The following CDH8 variants were observed in gnomAD, a reference collection of about 807,000 sequenced individuals.
CDH8 encodes cadherin-8.
A neutral mutation model predicts 68.1 loss-of-function variants in CDH8; 17 were observed. The observed-to-expected ratio is 0.25, with a 90% CI of 0.17 to 0.37. The LOEUF is 0.37. Ranked by LOEUF, CDH8 falls within the 10% of genes least tolerant of loss-of-function variation. The pLI, the probability that CDH8 is intolerant of heterozygous loss-of-function variation, is 1.00. For synonymous variants in CDH8, 372 were observed against 365.1 expected, an observed-to-expected ratio of 1.02 and a Z score of -0.21; for missense variants, 763 against 999.3, an observed-to-expected ratio of 0.76 and a Z score of 3.19.
At chr16:61,755,413 T>C (rs1272110302) in intron 8 of CDH8, among the ~76,000 whole-genome samples, 1 of 152,158 alleles carries the variant, frequency 6.6e-6, no homozygotes, top group African/African-American at 2.4e-5. Flanking sequence ...TATTTATGTA[T>C]AGCCACGTAT....
intron 10 of CDH8, among the ~76,000 whole-genome samples, chr16:61,682,402 T>C (rs1041097469): frequency 1.3e-5 from 2 of 152,012 alleles, no homozygotes; most frequent in Non-Finnish European, 2.9e-5. Flanking sequence ...TGCTAATTAC[T>C]CTGCATTCTT....
intron 10 of CDH8, among the ~76,000 whole-genome samples, chr16:61,688,317 T>A (rs958028979): frequency 2.0e-5 from 3 of 152,012 alleles, no homozygotes; most frequent in Non-Finnish European, 4.4e-5. Context: ...TTGGAAACTT[T>A]AATGAAGGAC....
intron 2 of CDH8, among the ~76,000 whole-genome samples, chr16:61,953,733 G>C (rs1964932002): frequency 6.6e-6 from 1 of 151,218 alleles, no homozygotes; most frequent in Non-Finnish European, 1.5e-5. Flanking sequence ...GCCAGGCATG[G>C]TGGCACATAT....
intron 10 of CDH8, among the ~76,000 whole-genome samples, chr16:61,683,064 T>A (rs1351001157): frequency 6.6e-6 from 1 of 152,020 alleles, no homozygotes; most frequent in Non-Finnish European, 1.5e-5. Flanking sequence ...ATTTTTAATA[T>A]TTGAAATAAG....
rs1962109847 is a variant in CDH8, at chr16:61,817,615, CGATTTT to C, written c.1135_1140del (p.Lys379_Ile380del). 1 of 1,613,828 alleles carries C rather than the reference CGATTTT, an allele frequency of 6.2e-7. No individual in the cohort carries two copies. The highest frequency in any genetic ancestry group is 8.5e-7 in the Non-Finnish European group (1 of 1,179,964). On this transcript the variant is annotated inframe_deletion, in exon 7 of 12. Coordinates refer to ENST00000577390, the MANE Select transcript of CDH8 (RefSeq NM_001796.5). ...GGAGGCTCATCAGCATCTTCAACCA[CGATTTT>C]GACTGTCGCCGTGTCTTTAAAGGGC...
intron 10 of CDH8, among the ~76,000 whole-genome samples, chr16:61,665,719 A>G (rs1170534090): frequency 1.3e-5 from 2 of 151,488 alleles, no homozygotes; most frequent in Non-Finnish European, 2.9e-5. Context: ...CTTCACTTTT[A>G]TCTGTGTAAT....
At chr16:61,713,489 T>G (rs1193833379) in intron 10 of CDH8, among the ~76,000 whole-genome samples, 1 of 151,640 alleles carries the variant, frequency 6.6e-6, no homozygotes. Flanking sequence ...AATTAAAACT[T>G]AACAACTACA....
rs1236961166 is a variant in CDH8 at position 61,810,402 on chromosome 16, C to G, written c.1277+7077G>C. 1.4e-4 allele frequency among the ~76,000 whole-genome samples: 21 copies of G among 152,152 alleles called. 1 individual carries two copies. Among genetic ancestry groups the G allele is most frequent in the African/African-American group, 5.1e-4 (21 of 41,504 alleles). Reference sequence around the variant, plus strand: ...CCAGAATTCTAAGGTCCCTGCATCACATATTATTTATTATTCCTCTAAGGA... The same window carrying G: ...CCAGAATTCTAAGGTCCCTGCATCAGATATTATTTATTATTCCTCTAAGGA... On this transcript the variant is annotated intron_variant, in intron 7 of 11. Transcript: ENST00000577390.
chr16:61,774,501 A>C (rs1486713054), intron 8 of CDH8, among the ~76,000 whole-genome samples: 1 of 151,716 alleles, frequency 6.6e-6, no homozygotes, highest in Non-Finnish European at 1.5e-5. Context: ...AGAAAGCCAT[A>C]ATGGATGTGT....
At chr16:61,790,018 T>G (rs1255035485) in intron 7 of CDH8, among the ~76,000 whole-genome samples, 2 of 152,104 alleles carry the variant, frequency 1.3e-5, no homozygotes, top group Non-Finnish European at 2.9e-5. Flanking sequence ...TATTTAGGTT[T>G]TCTATTAGTC....
chr16:61,725,863 A>G (rs1321610433), intron 9 of CDH8: 2 of 150,498 alleles, frequency 1.3e-5, no homozygotes, highest in African/African-American at 4.9e-5. Flanking sequence ...AATCAGTTTT[A>G]TTATTAGAAT....
chr16:61,781,794 A>T (rs932042548), intron 8 of CDH8, among the ~76,000 whole-genome samples: 5 of 152,312 alleles, frequency 3.3e-5, no homozygotes, highest in Middle Eastern at 6.8e-3. Flanking sequence ...GTAAATTACT[A>T]AAAAAATTAT....
chr16:61,891,035 C>T (rs1173881946), intron 3 of CDH8, among the ~76,000 whole-genome samples: 2 of 151,832 alleles, frequency 1.3e-5, no homozygotes, highest in East Asian at 1.9e-4. Flanking sequence ...ATAAACTTTC[C>T]TATGCTATTC....
At chr16:61,673,341 C>T (rs8056653) in intron 10 of CDH8, among the ~76,000 whole-genome samples, 8,849 of 151,980 alleles carry the variant, frequency 0.058, 888 homozygotes, top group African/African-American at 0.2. Flanking sequence ...ATTTAGTGTC[C>T]TCTAGGAAAT....
chr16:61,690,009 C>G (rs549579757), intron 10 of CDH8, among the ~76,000 whole-genome samples: 1 of 152,116 alleles, frequency 6.6e-6, no homozygotes, highest in East Asian at 1.9e-4. Flanking sequence ...CTGTGATTGT[C>G]TACGTCTACA....
chr16:61,674,945 A>AC (rs200349193), intron 10 of CDH8, among the ~76,000 whole-genome samples: 39 of 136,272 alleles, frequency 2.9e-4, no homozygotes, highest in East Asian at 8.1e-4. Context: ...AACAGAAAGC[A>AC]AAAAAAAAAA....
chr16:61,671,876 T>C (rs1230742115), intron 10 of CDH8, among the ~76,000 whole-genome samples: 1 of 151,600 alleles, frequency 6.6e-6, no homozygotes, highest in African/African-American at 2.4e-5. Context: ...AACAAATGAT[T>C]GAAAAAAAAA....
chr16:61,750,234 T>C (rs1960125513), intron 8 of CDH8, among the ~76,000 whole-genome samples: 1 of 152,010 alleles, frequency 6.6e-6, no homozygotes, highest in South Asian at 2.1e-4. Flanking sequence ...CTCTAAGGAG[T>C]TGCTTTCTAA....
intron 4 of CDH8, among the ~76,000 whole-genome samples, chr16:61,844,278 G>T (rs1962753748): frequency 7.9e-6 from 1 of 126,232 alleles, no homozygotes; most frequent in East Asian, 2.7e-4. Context: ...GACTGTTGTG[G>T]GGTGGGGGGA....
Sources: allele counts gnomAD v4.1 joint callset (sites outside exome capture counted in the v4.1 genomes callset), GRCh38; gene constraint gnomAD v4.1.1; transcripts MANE v1.5; gene names NCBI Gene and HGNC (gene_info 2026-07-23, HGNC 2026-07-21).